PRRC2B: variants seen among roughly 807,000 people sequenced by gnomAD.
The protein encoded by PRRC2B is protein PRRC2B.
Under a neutral mutation model 242.3 loss-of-function variants are expected in PRRC2B, and 68 were observed. The observed-to-expected ratio is 0.28, with a 90% CI of 0.23 to 0.34. The LOEUF (loss-of-function observed/expected upper bound fraction) is 0.34. Ranked by LOEUF, PRRC2B falls within the 10% of genes least tolerant of loss-of-function variation. The pLI, the probability that PRRC2B is intolerant of heterozygous loss-of-function variation, is 1.00. For synonymous variants in PRRC2B, 1,228 were observed against 1,173.6 expected, an observed-to-expected ratio of 1.05 and a Z score of -0.95; for missense variants, 2,835 against 2,954.8, an observed-to-expected ratio of 0.96 and a Z score of 0.94.
At position 131,476,553 on chromosome 9, in the gene PRRC2B, C is replaced by G. The variant is rs187874933; in HGVS notation, c.4406+18C>G. Reference sequence around the variant, plus strand: ...GTGAAAAGGTAAAACCAGACACCATCTGGGCCCTTTTTGTTGTTGTGTTCT... The same window carrying G: ...GTGAAAAGGTAAAACCAGACACCATGTGGGCCCTTTTTGTTGTTGTGTTCT... On this transcript the variant is annotated intron_variant, in intron 16 of 31. Transcript: ENST00000683519. 1.3e-6 allele frequency: 2 copies of G among 1,555,894 alleles called. No homozygotes were observed. The highest frequency in any genetic ancestry group is 2.7e-5 in the African/African-American group (2 of 72,948).
At chr9:131,395,525 T>C (rs577777838) in intron 1 of PRRC2B, among the ~76,000 whole-genome samples, 1 of 152,240 alleles carries the variant, frequency 6.6e-6, no homozygotes, top group African/African-American at 2.4e-5. Flanking sequence ...TCTGCATAAA[T>C]CGGGGCGTGC....
chr9:131,475,714 C>G lies in PRRC2B; in HGVS notation c.3585C>G (p.Ser1195Arg). ...ACCACAGCGGTCTAGATGCCAAGAG[C>G]CGAGGCCCTCGGGCCTTTGGGCGAG... is the stretch of plus-strand genomic sequence containing the variant. Reference protein sequence around the residue: ...SEDHSGLDAKSRGPRAFGRAL... With the variant: ...SEDHSGLDAKRRGPRAFGRAL... Residue 1195 changes from serine (S) to arginine (R), a missense_variant, in exon 16 of 32, where the codon AGC (serine) becomes AGG (arginine). Physicochemically the swap from Ser to Arg is moderately radical, Grantham distance 110. Transcript: ENST00000683519. The G allele has an allele frequency of 6.2e-7, 1 of 1,613,092 alleles. No homozygotes were observed.
intron 15 of PRRC2B, among the ~76,000 whole-genome samples, chr9:131,474,014 C>G (rs1011818440): frequency 1.3e-5 from 2 of 152,180 alleles, no homozygotes; most frequent in Non-Finnish European, 2.9e-5. Context: ...CAGGTGGGGT[C>G]CAGAGCATGG....
chr9:131,379,025 T>A (rs547989746), intron 1 of PRRC2B, among the ~76,000 whole-genome samples: 4 of 152,290 alleles, frequency 2.6e-5, no homozygotes, highest in South Asian at 2.1e-4. Context: ...GACCTTTTTT[T>A]AAAAATTATT....
intron 1 of PRRC2B, among the ~76,000 whole-genome samples, chr9:131,381,921 G>T (rs559047464): frequency 6.6e-6 from 1 of 151,718 alleles, no homozygotes; most frequent in Admixed American, 6.6e-5. Flanking sequence ...TGTATTTTTA[G>T]TAGAGACAGG....
At chr9:131,402,289 ACTTT>A (rs571115317) in intron 1 of PRRC2B, among the ~76,000 whole-genome samples, 19 of 152,206 alleles carry the variant, frequency 1.2e-4, no homozygotes, top group African/African-American at 4.6e-4. Flanking sequence ...CAACCATTTT[ACTTT>A]CTTTCTGTGA....
At chr9:131,460,322 CT>C (rs1448743822) in intron 11 of PRRC2B, among the ~76,000 whole-genome samples, 3 of 152,196 alleles carry the variant, frequency 2.0e-5, no homozygotes, top group African/African-American at 7.2e-5. Flanking sequence ...TCAGCCTTTC[CT>C]TCACTTTCAT....
intron 1 of PRRC2B, among the ~76,000 whole-genome samples, chr9:131,374,377 G>C (rs1326963610): frequency 1.3e-5 from 2 of 152,062 alleles, no homozygotes; most frequent in African/African-American, 4.8e-5. Context: ...AGAGTTGCAG[G>C]TGACGCCTTC....
intron 1 of PRRC2B, among the ~76,000 whole-genome samples, chr9:131,394,586 C>A (rs1207056413): frequency 6.6e-6 from 1 of 150,854 alleles, no homozygotes. Context: ...CACCCCCGTA[C>A]CCCCGAGGCC....
Position 131,482,301 on chromosome 9 carries a change from C to T in PRRC2B, c.4984-70C>T, listed in dbSNP as rs548871027. 32 of 1,467,392 alleles carry T rather than the reference C, an allele frequency of 2.2e-5. No individual in the cohort carries two copies. The African/African-American group carries it at 2.7e-4, about 12-fold the overall frequency. The allele number at this position is 1,467,392 out of a possible 1,614,324, so 90.9% of individuals were successfully genotyped here. On this transcript the variant is annotated intron_variant, in intron 20 of 31. Transcript: ENST00000683519. This position sits in a 1 kb window ranked among gnomAD's most constrained non-coding sequence, Gnocchi z 5.2. ...CTGGGGTAGAAAAGTCTCTGTGCCA[C>T]ATGCAGTTTTACTCTCTGGATAATC...
In PRRC2B at chr9:131,473,587, A is replaced by C. The variant is rs760893095; in HGVS notation, c.2187A>C (p.Pro729=). The C allele has an allele frequency of 1.2e-5, 19 of 1,611,344 alleles. No homozygotes were observed. The highest frequency in any genetic ancestry group is 1.7e-6 in the Non-Finnish European group (2 of 1,178,966). Residue 729 remains proline, a synonymous_variant, in exon 15 of 32, where the codon CCA becomes CCC. Coordinates refer to ENST00000683519, the MANE Select transcript of PRRC2B (RefSeq NM_013318.4). ...CRSEDQNCVP[P]LQERKVTPID... ...CTGAGGATCAGAACTGTGTGCCCCC[A>C]CTCCAAGAAAGAAAAGTGACCCCCA...
upstream of PRRC2B, among the ~76,000 whole-genome samples, chr9:131,389,137 T>C (rs180796937): frequency 0.013 from 1,862 of 145,814 alleles, 61 homozygotes; most frequent in African/African-American, 0.042. Flanking sequence ...CCACTGCGCC[T>C]GGCTCCTTTC....
intron 8 of PRRC2B, 107 bp from the exon 9 acceptor site, chr9:131,447,555 T>G: frequency 8.8e-7 from 1 of 1,137,392 alleles, no homozygotes; most frequent in African/African-American, 1.6e-5. Context: ...TAGAAATAAT[T>G]AAATCAAACA....
Position 131,495,778 on chromosome 9 carries a change from C to T in PRRC2B, c.6594C>T (p.Ala2198=), listed in dbSNP as rs41296113. 77,041 of 1,612,704 alleles carry T rather than the reference C, an allele frequency of 0.048. 2,286 individuals are homozygous for T. The highest frequency in any genetic ancestry group is 0.13 in the Admixed American group (8,092 of 60,002). The part of the protein sequence containing the change: ...QRVDEKPSLG[A]VKLQEAPSAA... Reference sequence around the variant, plus strand: ...TGGATGAGAAACCCAGCCTGGGAGCCGTGAAGCTGCAGGAGGCCCCCTCGG... The same window carrying T: ...TGGATGAGAAACCCAGCCTGGGAGCTGTGAAGCTGCAGGAGGCCCCCTCGG... Residue 2198 remains alanine (A), a synonymous_variant, in exon 32 of 32, where the codon GCC becomes GCT. Transcript: ENST00000683519.
In PRRC2B at chr9:131,481,779, T is replaced by C. The variant is rs1218375199; in HGVS notation, c.4954T>C (p.Phe1652Leu). 6.4e-7 allele frequency: 1 copy of C among 1,564,198 alleles called. No individual in the cohort carries two copies. Among genetic ancestry groups the C allele is most frequent in the Admixed American group, 1.9e-5 (1 of 53,370 alleles). ...CTCCTGGAGGAAAGCTGTCACTGCC[T>C]TCAGCAGCACCGAGACTGGCTCTGC... Reference protein sequence around the residue: ...NDSWRKAVTAFSSTETGSAEQ... With the variant: ...NDSWRKAVTALSSTETGSAEQ... Residue 1652 changes from phenylalanine (F) to leucine (L), a missense_variant, in exon 20 of 32, where the codon TTC becomes CTC. Phe to Leu is a conservative substitution (Grantham distance 22). This residue lies in a region of PRRC2B where 38 missense variants were observed against 73.3 expected (regional missense o/e 0.52). Transcript: ENST00000683519.
Position 131,498,312 on chromosome 9 carries a change from A to G in PRRC2B, c.*2438A>G, listed in dbSNP as rs1374237223. Reference sequence around the variant, plus strand: ...AAATGTTTCACTGCTCTATTTATATATAATGTCTGAATTAATTCTGTGCAG... The same window carrying G: ...AAATGTTTCACTGCTCTATTTATATGTAATGTCTGAATTAATTCTGTGCAG... On this transcript the variant is annotated 3_prime_UTR_variant, in exon 32 of 32. Coordinates refer to ENST00000683519, the MANE Select transcript of PRRC2B (RefSeq NM_013318.4). 1.3e-5 allele frequency: 2 copies of G among 152,182 alleles called. No individual in the cohort carries two copies. Among genetic ancestry groups the G allele is most frequent in the Non-Finnish European group, 2.9e-5 (2 of 68,038 alleles). 9.4% of individuals were successfully genotyped at this position (152,182 alleles called of 1,614,324 possible).
intron 2 of PRRC2B, among the ~76,000 whole-genome samples, chr9:131,430,536 T>C (rs1407894154): frequency 7.0e-6 from 1 of 143,250 alleles, no homozygotes; most frequent in African/African-American, 2.6e-5. Flanking sequence ...GATATCTATC[T>C]ATAGATATCT....
Position 131,478,597 on chromosome 9 carries a change from G to C in PRRC2B, c.4736G>C (p.Arg1579Thr), listed in dbSNP as rs199819277. ...KQRRLLEEER[R>T]KKEQAVQVPV... is the part of the protein sequence containing the mutation. ...CGCCGCCTGCTGGAGGAAGAGAGAA[G>C]AAAGAAGGAGCAGGCCGTGCAGGTG... The change falls in exon 18 of 32, where the codon AGA becomes ACA. Residue 1579 changes from arginine to threonine, a missense_variant. Arg to Thr is a moderately conservative substitution (Grantham distance 71). Coordinates refer to ENST00000683519, the MANE Select transcript of PRRC2B (RefSeq NM_013318.4). 7.8e-6 allele frequency: 10 copies of C among 1,274,726 alleles called. No homozygotes were observed. The highest frequency in any genetic ancestry group is 1.1e-5 in the Non-Finnish European group (10 of 946,252). The allele number at this position is 1,274,726 out of a possible 1,614,324, so 79.0% of individuals were successfully genotyped here. A position where few individuals can be genotyped will look rare whatever the true frequency, so the allele number is the denominator to read the frequency against.
intron 15 of PRRC2B, among the ~76,000 whole-genome samples, chr9:131,473,995 T>A (rs1336881223): frequency 1.3e-5 from 2 of 152,158 alleles, no homozygotes; most frequent in Non-Finnish European, 2.9e-5. Context: ...GGGTGGGGGC[T>A]TCACAAGGCA....
Sources: gnomAD v4.1 joint callset for allele counts (sites outside exome capture counted in the v4.1 genomes callset) on GRCh38, gnomAD v4.1.1 for gene constraint, gnomAD v4.1.1 regional missense constraint, Gnocchi (gnomAD v3.1) non-coding constraint, MANE v1.5 for transcripts, NCBI Gene and HGNC (gene_info 2026-07-23, HGNC 2026-07-21) for gene names.